The following LGSN variants were observed in gnomAD, a reference collection of about 807,000 sequenced individuals.
The protein encoded by LGSN is lengsin, lens protein with glutamine synthetase domain.
LGSN carries 21 observed loss-of-function variants against 19.5 expected under a neutral mutation model. That is an observed-to-expected ratio of 1.07 (90% CI 0.76 to 1.55). The LOEUF (loss-of-function observed/expected upper bound fraction) is 1.55. Among genes scored for constraint, LGSN ranks in the 40% most tolerant of loss-of-function variants. LGSN has a pLI of 0.00. For synonymous variants in LGSN, 257 were observed against 215.6 expected (o/e 1.19, Z -1.68); for missense variants, 673 against 608.5 (o/e 1.11, Z -1.12).
At chr6:63,379,264 T>C in the LGSN span, among the ~76,000 whole-genome samples, 1 of 152,018 alleles carries the variant, frequency 6.6e-6, no homozygotes, top group African/African-American at 2.4e-5. Flanking sequence ...CACTGATATG[T>C]TTTAGTAAAC....
the LGSN span, among the ~76,000 whole-genome samples, chr6:63,539,996 G>A: frequency 6.6e-6 from 1 of 152,188 alleles, no homozygotes; most frequent in South Asian, 2.1e-4. Context: ...GAATGTTCAT[G>A]ACTGTTGGTG....
the LGSN span, among the ~76,000 whole-genome samples, chr6:63,515,519 C>T: frequency 2.0e-5 from 3 of 152,146 alleles, no homozygotes; most frequent in Non-Finnish European, 4.4e-5. Context: ...GCGTGAGCCA[C>T]CCCACCTGGC....
At chr6:63,297,886 T>A (rs969465703) in intron 1 of LGSN, among the ~76,000 whole-genome samples, 5 of 152,212 alleles carry the variant, frequency 3.3e-5, no homozygotes, top group African/African-American at 1.2e-4. Flanking sequence ...CAATCACAGG[T>A]GGCCAATTGT....
chr6:63,383,009 A>G, the LGSN span, among the ~76,000 whole-genome samples: 1 of 152,238 alleles, frequency 6.6e-6, no homozygotes, highest in Admixed American at 6.5e-5. Flanking sequence ...AATTAATTAA[A>G]TAGCTACAGG....
the LGSN span, among the ~76,000 whole-genome samples, chr6:63,385,924 G>C: frequency 6.6e-6 from 1 of 152,094 alleles, no homozygotes; most frequent in African/African-American, 2.4e-5. Flanking sequence ...TAGGCAAAAA[G>C]TCTGAGACCT....
the LGSN span, among the ~76,000 whole-genome samples, chr6:63,421,541 A>T: frequency 1.3e-5 from 2 of 152,320 alleles, no homozygotes; most frequent in South Asian, 4.1e-4. Flanking sequence ...CATCCTGACC[A>T]ACATGGTGAA....
At chr6:63,325,250 C>G in the LGSN span, among the ~76,000 whole-genome samples, 1 of 151,462 alleles carries the variant, frequency 6.6e-6, no homozygotes, top group Non-Finnish European at 1.5e-5. Flanking sequence ...TAATAAATAT[C>G]AGAGCAGAAC....
At chr6:63,481,490 A>G in the LGSN span, among the ~76,000 whole-genome samples, 1 of 150,208 alleles carries the variant, frequency 6.7e-6, no homozygotes, top group Non-Finnish European at 1.5e-5. Context: ...CTACAGGCGC[A>G]TGCCACCATG....
At chr6:63,490,727 C>T in the LGSN span, among the ~76,000 whole-genome samples, 1 of 152,096 alleles carries the variant, frequency 6.6e-6, no homozygotes, top group African/African-American at 2.4e-5. Context: ...GCATGTGCCA[C>T]CACGCCCGGC....
chr6:63,285,540 G>C, intron 3 of LGSN, 47 bp downstream of exon 3: 1 of 1,440,008 alleles, frequency 6.9e-7, no homozygotes, highest in Non-Finnish European at 9.7e-7. Flanking sequence ...CTGTTTGCTT[G>C]CTAATGGTCA....
the LGSN span, among the ~76,000 whole-genome samples, chr6:63,328,184 G>A: frequency 2.0e-5 from 3 of 152,308 alleles, no homozygotes; most frequent in East Asian, 3.9e-4. Context: ...AATAACTATG[G>A]CATAACCTGC....
chr6:63,341,892 T>G, the LGSN span, among the ~76,000 whole-genome samples: 1 of 152,204 alleles, frequency 6.6e-6, no homozygotes, highest in East Asian at 1.9e-4. Context: ...CCTGTGTACC[T>G]TATCTAAGCA....
chr6:63,498,423 A>G, the LGSN span, among the ~76,000 whole-genome samples: 1 of 151,966 alleles, frequency 6.6e-6, no homozygotes, highest in African/African-American at 2.4e-5. Context: ...CTCTATTGTC[A>G]TTTGTAACAG....
At chr6:63,390,118 CT>C in the LGSN span, among the ~76,000 whole-genome samples, 2,494 of 66,318 alleles carry the variant, frequency 0.038, 2 homozygotes, top group Non-Finnish European at 0.044. Context: ...TTCTTTCTTT[CT>C]TTTTTTTTTT....
In LGSN at chr6:63,280,490, G is replaced by C; in HGVS notation, c.1061C>G (p.Ala354Gly). Residue 354 changes from alanine to glycine, a missense_variant, in exon 4 of 4, where the codon GCG becomes GGG. Physicochemically the swap from Ala to Gly is moderately conservative, Grantham distance 60. Transcript: ENST00000370657. ...WLAGLLKHSA[A>G]LSCLMAPSVS... Reference sequence around the variant, plus strand: ...AGAAGGCGCCATCAGGCAGCTGAGCGCAGCAGAGTGCTTCAAGAGTCCTGC... The same window carrying C: ...AGAAGGCGCCATCAGGCAGCTGAGCCCAGCAGAGTGCTTCAAGAGTCCTGC... 6.2e-7 allele frequency: 1 copy of C among 1,614,116 alleles called. No individual in the cohort carries two copies. The highest frequency in any genetic ancestry group is 8.5e-7 in the Non-Finnish European group (1 of 1,180,032).
intron 2 of LGSN, among the ~76,000 whole-genome samples, chr6:63,288,836 T>C (rs1353743472): frequency 6.6e-6 from 1 of 152,230 alleles, no homozygotes; most frequent in East Asian, 1.9e-4. Context: ...TGAATCATAA[T>C]GGATTAGGGG....
At chr6:63,486,851 T>G in the LGSN span, among the ~76,000 whole-genome samples, 1 of 147,424 alleles carries the variant, frequency 6.8e-6, no homozygotes, top group East Asian at 1.9e-4. Context: ...ATTATTATTA[T>G]TTGAGAAAGA....
At chr6:63,477,621 AG>A in the LGSN span, among the ~76,000 whole-genome samples, 2 of 147,294 alleles carry the variant, frequency 1.4e-5, no homozygotes, top group East Asian at 3.9e-4. Flanking sequence ...AAATCACGTA[AG>A]ATCCAGTTTT....
chr6:63,560,880 A>G, the LGSN span, among the ~76,000 whole-genome samples: 3 of 152,200 alleles, frequency 2.0e-5, no homozygotes, highest in Admixed American at 6.5e-5. Context: ...AGTCTGGGGA[A>G]CAACATCTCT....
Sources: allele counts gnomAD v4.1 joint callset (sites outside exome capture counted in the v4.1 genomes callset), GRCh38; gene constraint gnomAD v4.1.1; transcripts MANE v1.5; gene names NCBI Gene and HGNC (gene_info 2026-07-23, HGNC 2026-07-21).